The following LHFPL3 variants were observed in gnomAD, a reference collection of about 807,000 sequenced individuals.
LHFPL3 encodes the protein LHFPL tetraspan subfamily member 3.
Under a neutral mutation model 19.3 loss-of-function variants are expected in LHFPL3, and 5 were observed. That is an observed-to-expected ratio of 0.26 (90% CI 0.14 to 0.54). The LOEUF (loss-of-function observed/expected upper bound fraction) is 0.54, where lower values mean the gene tolerates loss of function less well. LHFPL3 is among the 20% of genes least tolerant of loss of function. The pLI, the probability that LHFPL3 is intolerant of heterozygous loss-of-function variation, is 0.94. For missense variants in LHFPL3, 249 were observed against 307.4 expected (o/e 0.81, Z 1.42); for synonymous variants, 133 against 126.2 (o/e 1.05, Z -0.36).
intron 1 of LHFPL3, among the ~76,000 whole-genome samples, chr7:104,681,172 G>C (rs10953441): frequency 9.8e-6 from 1 of 102,460 alleles, no homozygotes; most frequent in Non-Finnish European, 2.2e-5. Context: ...TTTTTTTTTT[G>C]TTAGGGAAGG....
chr7:104,503,795 C>G (rs1450075020), intron 1 of LHFPL3, among the ~76,000 whole-genome samples: 1 of 152,138 alleles, frequency 6.6e-6, no homozygotes, highest in Non-Finnish European at 1.5e-5. Flanking sequence ...GTCTCAAACT[C>G]CAGGGCTCAA....
intron 1 of LHFPL3, among the ~76,000 whole-genome samples, chr7:104,557,728 G>A (rs1451158852): frequency 1.3e-5 from 2 of 150,902 alleles, no homozygotes; most frequent in East Asian, 1.9e-4. Flanking sequence ...TGCACATTGT[G>A]CAGGTTAGTT....
At chr7:104,832,537 T>C (rs1004652066) in intron 2 of LHFPL3, among the ~76,000 whole-genome samples, 1 of 151,710 alleles carries the variant, frequency 6.6e-6, no homozygotes, top group African/African-American at 2.4e-5. Context: ...CTCATCGAGA[T>C]TACTCCTTCA....
intron 2 of LHFPL3, among the ~76,000 whole-genome samples, chr7:104,897,377 A>G (rs1792388076): frequency 6.6e-6 from 1 of 152,178 alleles, no homozygotes; most frequent in South Asian, 2.1e-4. Context: ...TTTGGTCTAG[A>G]GAGGAAGCAT....
chr7:104,806,163 G>A (rs1486117360), intron 2 of LHFPL3, among the ~76,000 whole-genome samples: 1 of 152,172 alleles, frequency 6.6e-6, no homozygotes, highest in African/African-American at 2.4e-5. Context: ...CAAGATTGGA[G>A]GGAAGCTCAC....
At chr7:104,394,916 G>GT (rs1169484100) in intron 1 of LHFPL3, among the ~76,000 whole-genome samples, 1 of 151,924 alleles carries the variant, frequency 6.6e-6, no homozygotes, top group African/African-American at 2.4e-5. Flanking sequence ...AGCGAGGCTG[G>GT]TCTCGAACTC....
intron 1 of LHFPL3, among the ~76,000 whole-genome samples, chr7:104,613,147 A>G (rs1044143204): frequency 6.6e-6 from 1 of 152,222 alleles, no homozygotes; most frequent in Non-Finnish European, 1.5e-5. Flanking sequence ...GAAAGTAAAA[A>G]TGATCAGCAA....
intron 1 of LHFPL3, among the ~76,000 whole-genome samples, chr7:104,700,765 TGA>T (rs1793086978): frequency 6.6e-6 from 1 of 152,246 alleles, no homozygotes; most frequent in Non-Finnish European, 1.5e-5. Flanking sequence ...GTTGCAATTT[TGA>T]TTTTTCTAGT....
chr7:104,845,167 C>T (rs1329530644), intron 2 of LHFPL3, among the ~76,000 whole-genome samples: 1 of 152,200 alleles, frequency 6.6e-6, no homozygotes, highest in African/African-American at 2.4e-5. Flanking sequence ...CCAGGTCCTA[C>T]AGCCAGCAAG....
chr7:104,829,458 C>A (rs1357239119), intron 2 of LHFPL3, among the ~76,000 whole-genome samples: 8 of 151,672 alleles, frequency 5.3e-5, no homozygotes, highest in Admixed American at 4.6e-4. Context: ...TTAGGTATAT[C>A]TCCTAATGCT....
At chr7:104,803,338 A>G (rs2116482656) in intron 2 of LHFPL3, 1 of 152,374 alleles carries the variant, frequency 6.6e-6, no homozygotes. Flanking sequence ...TAGAAAGATA[A>G]AAGTCTGTGG....
chr7:104,580,815 C>G (rs1790446045), intron 1 of LHFPL3, among the ~76,000 whole-genome samples: 1 of 152,000 alleles, frequency 6.6e-6, no homozygotes, highest in African/African-American at 2.4e-5. Flanking sequence ...TGTAATCCTT[C>G]TTTTACTCAG....
chr7:104,828,887 T>C (rs1321891024), intron 2 of LHFPL3, among the ~76,000 whole-genome samples: 1 of 151,482 alleles, frequency 6.6e-6, no homozygotes. Context: ...ATACAAAAAT[T>C]AGCTGGGCAT....
At chr7:104,725,180 GTTT>G (rs570479042) in intron 1 of LHFPL3, among the ~76,000 whole-genome samples, 3 of 151,178 alleles carry the variant, frequency 2.0e-5, no homozygotes, top group African/African-American at 7.3e-5. Flanking sequence ...TTCTACCTCT[GTTT>G]TTTTTTATCC....
intron 2 of LHFPL3, among the ~76,000 whole-genome samples, chr7:104,840,656 C>G (rs1028442784): frequency 6.6e-6 from 1 of 151,710 alleles, no homozygotes; most frequent in East Asian, 1.9e-4. Flanking sequence ...ACCCTCCCCC[C>G]ACTGAACACC....
intron 1 of LHFPL3, among the ~76,000 whole-genome samples, chr7:104,613,356 A>G (rs1276804073): frequency 6.6e-6 from 1 of 152,184 alleles, no homozygotes; most frequent in Non-Finnish European, 1.5e-5. Context: ...AAGAATTTTA[A>G]GAAGGATAAG....
chr7:104,428,893 C>G (rs536774988), intron 1 of LHFPL3, among the ~76,000 whole-genome samples: 117 of 152,144 alleles, frequency 7.7e-4, no homozygotes, highest in African/African-American at 2.7e-3. Flanking sequence ...TCTACCCTTA[C>G]GTACACATAC....
Position 104,614,712 on chromosome 7 carries a change from T to A in LHFPL3, c.446-121963T>A, listed in dbSNP as rs548634969. Among the ~76,000 whole-genome samples, 806 of 142,966 alleles carry A rather than the reference T, an allele frequency of 5.6e-3. 13 individuals carry two copies. The highest frequency in any genetic ancestry group is 0.02 in the African/African-American group (746 of 37,918). The allele number at this position is 142,966 out of a possible 152,430, so 93.8% of individuals were successfully genotyped here. On this transcript the variant is annotated intron_variant, in intron 1 of 2. Coordinates refer to ENST00000424859, the MANE Select transcript of LHFPL3 (RefSeq NM_199000.3). ...CTTTCTTTCTTTCTTTCTTTCTTTCTTTCTTTCTTTCTTTCTTTCTTTCTT... is the reference window on the plus strand; with the variant it reads ...CTTTCTTTCTTTCTTTCTTTCTTTCATTCTTTCTTTCTTTCTTTCTTTCTT...
intron 2 of LHFPL3, among the ~76,000 whole-genome samples, chr7:104,900,990 T>G (rs1032156551): frequency 3.3e-5 from 5 of 152,200 alleles, no homozygotes; most frequent in African/African-American, 1.2e-4. Context: ...CCATGGTGCA[T>G]GGGAAATGTT....
Sources: allele counts gnomAD v4.1 joint callset (sites outside exome capture counted in the v4.1 genomes callset), GRCh38; gene constraint gnomAD v4.1.1; transcripts MANE v1.5; gene names NCBI Gene and HGNC (gene_info 2026-07-23, HGNC 2026-07-21).